Variants in IFT88 observed in about 807,000 individuals in gnomAD.
IFT88 encodes intraflagellar transport protein 88 homolog.
In IFT88, 74 loss-of-function variants were observed where a neutral mutation model predicts 119.5. That is an observed-to-expected ratio of 0.62 (90% confidence interval 0.51 to 0.75). IFT88 has a LOEUF of 0.75. Among genes scored for constraint, IFT88 ranks in the 30% least tolerant of loss-of-function variants. IFT88 has a pLI of 0.00. For missense variants in IFT88, 961 were observed against 977.7 expected (o/e 0.98, Z 0.23); for synonymous variants, 279 against 316.7 (o/e 0.88, Z 1.26).
Position 20,627,237 on chromosome 13 carries a change from C to T in IFT88, c.1299+1388C>T, listed in dbSNP as rs192126232. ...TCACATCCTTGGTCATGAAAAATGC[C>T]ACCAATGACTCTCCAACATTGTTGT... is the stretch of plus-strand genomic sequence containing the variant. On this transcript the variant is annotated intron_variant, in intron 15 of 25. Transcript: ENST00000351808. 7.7e-4 allele frequency among the ~76,000 whole-genome samples: 117 copies of T among 152,180 alleles called. 1 individual carries two copies. The highest frequency in any genetic ancestry group is 2.7e-3 in the African/African-American group (111 of 41,524).
chr13:20,690,817 C>G lies in IFT88; in HGVS notation c.2353+2C>G. 1.9e-6 allele frequency: 3 copies of G among 1,592,624 alleles called. No homozygotes were observed. Among genetic ancestry groups the G allele is most frequent in the Non-Finnish European group, 2.6e-6 (3 of 1,160,540 alleles). On this transcript the variant is annotated splice_donor_variant, in intron 25 of 25. Transcript: ENST00000351808. LOFTEE classifies it high-confidence loss of function. ...AAAGTAGCAGTAACAAAGAAATAGG[C>G]AAGTACTCTCCACCCAGTTCCTCCA...
Position 20,629,380 on chromosome 13 carries a change from G to A in IFT88, c.1300-1636G>A, listed in dbSNP as rs536390466. Among the ~76,000 whole-genome samples, 4 of 152,290 alleles carry A rather than the reference G, an allele frequency of 2.6e-5. No homozygotes were observed. In the South Asian group the frequency reaches 8.3e-4, roughly 32 times the overall value. On this transcript the variant is annotated intron_variant, in intron 15 of 25. Transcript: ENST00000351808. ...GTAAATTTAAGGAACTTGTGGCAAT[G>A]TTATAAGATCTTTCCAAGAAAGTAA...
At chr13:20,617,215 A>T (rs1431749239) in intron 14 of IFT88, among the ~76,000 whole-genome samples, 2 of 152,126 alleles carry the variant, frequency 1.3e-5, no homozygotes, top group Non-Finnish European at 2.9e-5. Context: ...TGTGGATTTT[A>T]TTCCATTGCA....
At chr13:20,670,905 C>T in intron 23 of IFT88, 68 bp from the exon 24 acceptor site, 1 of 1,364,042 alleles carries the variant, frequency 7.3e-7, no homozygotes, top group Admixed American at 1.8e-5. Flanking sequence ...TTAAAATCCA[C>T]CTTTATCTAT....
intron 18 of IFT88, chr13:20,641,668 C>T: frequency 3.9e-6 from 1 of 253,172 alleles, no homozygotes; most frequent in Non-Finnish European, 7.6e-6. Context: ...ATTTTCGGTA[C>T]ATATAAGCCA....
chr13:20,616,486 T>C (rs2045632990), intron 14 of IFT88, among the ~76,000 whole-genome samples: 1 of 152,240 alleles, frequency 6.6e-6, no homozygotes. Flanking sequence ...TATTTTCTTG[T>C]AGTATTCAAT....
intron 7 of IFT88, among the ~76,000 whole-genome samples, chr13:20,594,339 C>G (rs2041259671): frequency 6.6e-6 from 1 of 152,152 alleles, no homozygotes; most frequent in Non-Finnish European, 1.5e-5. Context: ...CCAAGAAGAT[C>G]TTTCTAGCAG....
intron 7 of IFT88, among the ~76,000 whole-genome samples, chr13:20,593,976 A>T (rs1393037181): frequency 1.3e-5 from 2 of 151,978 alleles, no homozygotes; most frequent in Non-Finnish European, 2.9e-5. Context: ...GCTTGAGCCC[A>T]GGAGGTGGTA....
At chr13:20,609,871 C>T (rs2044177946) in intron 13 of IFT88, among the ~76,000 whole-genome samples, 1 of 152,160 alleles carries the variant, frequency 6.6e-6, no homozygotes, top group Non-Finnish European at 1.5e-5. Flanking sequence ...CAGGTCTGAG[C>T]TGAGGTCTCA....
intron 24 of IFT88, among the ~76,000 whole-genome samples, chr13:20,685,238 T>G (rs2057775462): frequency 6.6e-6 from 1 of 152,150 alleles, no homozygotes; most frequent in Non-Finnish European, 1.5e-5. Flanking sequence ...TAGAGCAGTT[T>G]TCCGCTCCCG....
rs866742810 is a variant in IFT88 at position 20,677,495 on chromosome 13, C to G, written c.2242+6456C>G. Among the ~76,000 whole-genome samples the G allele has an allele frequency of 7.9e-5, 12 of 152,254 alleles. No homozygotes were observed. In the South Asian group the frequency reaches 2.3e-3, roughly 29 times the overall value. On this transcript the variant is annotated intron_variant, in intron 24 of 25. Transcript: ENST00000351808. ...TGGATCCCTAGCTGTGGTGCGCTGC[C>G]TCTTAACTTTGGAAAGGGACAGGAG...
chr13:20,593,701 TTA>T (rs758960942), intron 7 of IFT88, among the ~76,000 whole-genome samples: 12 of 152,200 alleles, frequency 7.9e-5, no homozygotes, highest in Admixed American at 1.3e-4. Flanking sequence ...TATTTAAATA[TTA>T]TGTCATTCAT....
intron 3 of IFT88, 28 bp downstream of exon 3, chr13:20,583,047 G>T (rs1458236581): frequency 6.9e-7 from 1 of 1,454,402 alleles, no homozygotes; most frequent in Non-Finnish European, 9.6e-7. Context: ...TTTTTAAATT[G>T]TGGTAAAAAA....
chr13:20,677,919 C>G (rs938989157), intron 24 of IFT88, among the ~76,000 whole-genome samples: 4 of 152,122 alleles, frequency 2.6e-5, no homozygotes, highest in African/African-American at 7.2e-5. Flanking sequence ...TAGAAAGTTT[C>G]ATTTTAGATA....
intron 14 of IFT88, among the ~76,000 whole-genome samples, chr13:20,621,692 T>C (rs2046545258): frequency 1.3e-5 from 2 of 152,118 alleles, no homozygotes; most frequent in African/African-American, 4.8e-5. Flanking sequence ...CTCACCAATA[T>C]GCCATCCCAG....
intron 9 of IFT88, among the ~76,000 whole-genome samples, chr13:20,597,693 A>G (rs4770060): frequency 0.98 from 147,895 of 150,636 alleles, 72,620 homozygotes; most frequent in East Asian, 1. Context: ...GCGGCGAGCC[A>G]AGATCTTGCC....
chr13:20,607,178 C>CT, intron 13 of IFT88: 1 of 396,246 alleles, frequency 2.5e-6, no homozygotes, highest in South Asian at 2.0e-5. Flanking sequence ...CCTGCTGCTG[C>CT]TGCACGCCTG....
At chr13:20,623,669 G>A (rs1439736022) in intron 14 of IFT88, among the ~76,000 whole-genome samples, 1 of 152,030 alleles carries the variant, frequency 6.6e-6, no homozygotes, top group African/African-American at 2.4e-5. Context: ...GTAGAGATGG[G>A]TTTCACTGTG....
At chr13:20,601,288 C>A (rs1017366210) in intron 11 of IFT88, among the ~76,000 whole-genome samples, 9 of 151,362 alleles carry the variant, frequency 5.9e-5, no homozygotes, top group Non-Finnish European at 8.8e-5. Context: ...ATTGCTTGAA[C>A]CCAGGAGGCA....
Sources: gnomAD v4.1 joint callset for allele counts (sites outside exome capture counted in the v4.1 genomes callset) on GRCh38, gnomAD v4.1.1 for gene constraint, MANE v1.5 for transcripts, NCBI Gene and HGNC (gene_info 2026-07-23, HGNC 2026-07-21) for gene names.